Variants in ASH1L observed in about 807,000 individuals in gnomAD.
The protein encoded by ASH1L is ASH1 like histone lysine methyltransferase.
In ASH1L, 23 loss-of-function variants were observed where a neutral mutation model predicts 269.0. The observed-to-expected ratio is 0.09, with a 90% CI of 0.06 to 0.12. The LOEUF is 0.12. ASH1L is among the 10% of genes least tolerant of loss of function. ASH1L has a pLI of 1.00. For missense variants in ASH1L, 2,912 were observed against 3,567.8 expected (o/e 0.82, Z 4.68); for synonymous variants, 1,187 against 1,253.5 (o/e 0.95, Z 1.12).
Position 155,521,505 on chromosome 1 carries a change from AT to A in ASH1L, c.14del (p.Asn5IlefsTer5). 2 of 1,612,014 alleles carry A rather than the reference AT, an allele frequency of 1.2e-6. No homozygotes were observed. The highest frequency in any genetic ancestry group is 1.7e-6 in the Non-Finnish European group (2 of 1,179,040). On this transcript the variant is annotated frameshift_variant, in exon 2 of 28. Transcript: ENST00000392403. LOFTEE classifies it high-confidence loss of function. ...CAGAACCCAATCCTAACATAGCAGT[AT>A]TTCTAGGGTCCATCACAAGCGTATG... MDPR[N>X]TAMLGLGSDS... is the part of the protein sequence containing the mutation.
Position 155,480,026 on chromosome 1 carries a change from T to C in ASH1L, c.2844A>G (p.Leu948=). The C allele has an allele frequency of 6.2e-7, 1 of 1,614,134 alleles. No homozygotes were observed. The highest frequency in any genetic ancestry group is 2.2e-5 in the East Asian group (1 of 44,890). Residue 948 remains leucine, a synonymous_variant, in exon 3 of 28, where the codon CTA becomes CTG. Coordinates refer to ENST00000392403, the MANE Select transcript of ASH1L (RefSeq NM_018489.3). ...SEDQLQDPDD[L]DDSHRPSVCS... ...AGACACTTGGCCTATGACTGTCATC[T>C]AGGTCATCTGGATCCTGAAGTTGAT...
At chr1:155,508,936 C>A (rs936495162) in intron 2 of ASH1L, among the ~76,000 whole-genome samples, 3 of 152,244 alleles carry the variant, frequency 2.0e-5, no homozygotes, top group Admixed American at 2.0e-4. Context: ...GTGTCAGTAA[C>A]GTACCCTAAC....
chr1:155,477,262 GC>G (rs1665627426), intron 3 of ASH1L, among the ~76,000 whole-genome samples: 1 of 152,098 alleles, frequency 6.6e-6, no homozygotes, highest in Non-Finnish European at 1.5e-5. Flanking sequence ...ATGTACAAAT[GC>G]ATTTTCCAGA....
chr1:155,411,977 C>T (rs1441759342), intron 6 of ASH1L, among the ~76,000 whole-genome samples: 1 of 152,044 alleles, frequency 6.6e-6, no homozygotes, highest in Non-Finnish European at 1.5e-5. Flanking sequence ...CGCTGTGGCT[C>T]ACTCCTGTAA....
At chr1:155,399,564 A>C (rs1005732189) in intron 6 of ASH1L, among the ~76,000 whole-genome samples, 1 of 152,036 alleles carries the variant, frequency 6.6e-6, no homozygotes, top group African/African-American at 2.4e-5. Flanking sequence ...GCTTGAACAC[A>C]GGAGACAGAG....
rs1558099198 is a variant in ASH1L at position 155,433,597 on chromosome 1, C to T, written c.5828+4730G>A. On this transcript the variant is annotated intron_variant, in intron 5 of 27. Coordinates refer to ENST00000392403, the MANE Select transcript of ASH1L (RefSeq NM_018489.3). Reference sequence around the variant, plus strand: ...AAAACCCGCAGGAGTCCCAGAACATCAAAGCTCTGCAGAAAGAACTCGAAC... The same window carrying T: ...AAAACCCGCAGGAGTCCCAGAACATTAAAGCTCTGCAGAAAGAACTCGAAC... 2.5e-6 allele frequency: 4 copies of T among 1,610,122 alleles called. No individual in the cohort carries two copies. In the East Asian group the frequency reaches 8.9e-5, roughly 36 times the overall value.
At chr1:155,393,074 A>G (rs1658076864) in intron 7 of ASH1L, among the ~76,000 whole-genome samples, 1 of 152,212 alleles carries the variant, frequency 6.6e-6, no homozygotes, top group African/African-American at 2.4e-5. Flanking sequence ...TCACTAGTAA[A>G]TACAAAAGAC....
rs1291851159 is a variant in ASH1L at position 155,478,835 on chromosome 1, G to A, written c.4035C>T (p.Asp1345=). The A allele has an allele frequency of 1.2e-6, 2 of 1,614,024 alleles. No homozygotes were observed. ...LDPLHYIRKP[D]LKKKRGRPPK... is the part of the protein sequence containing the mutation. Reference sequence around the variant, plus strand: ...GGGGTCTCCCTCTTTTCTTTTTTAAGTCAGGTTTTCGAATGTAGTGCAAAG... The same window carrying A: ...GGGGTCTCCCTCTTTTCTTTTTTAAATCAGGTTTTCGAATGTAGTGCAAAG... Residue 1345 remains aspartate (D), a synonymous_variant, in exon 3 of 28, where the codon GAC becomes GAT. Coordinates refer to ENST00000392403, the MANE Select transcript of ASH1L (RefSeq NM_018489.3). The surrounding 1 kb of genome is among the most constrained non-coding windows in gnomAD (Gnocchi z 4.6).
intron 1 of ASH1L, among the ~76,000 whole-genome samples, chr1:155,548,979 AG>A (rs1176255534): frequency 6.6e-6 from 1 of 152,214 alleles, no homozygotes; most frequent in East Asian, 1.9e-4. Flanking sequence ...AAAATATTCC[AG>A]GGGCAGGGGT....
At chr1:155,563,022 C>G (rs1392195418), upstream of ASH1L, 1 of 458,588 alleles carries the variant, frequency 2.2e-6, no homozygotes. Context: ...TCGGGGCTTG[C>G]CGTTTGACTG....
Position 155,562,442 on chromosome 1 carries a change from C to T in ASH1L, c.-389G>A. 1 of 1,468,408 alleles carries T rather than the reference C, an allele frequency of 6.8e-7. No individual in the cohort carries two copies. The highest frequency in any genetic ancestry group is 9.2e-7 in the Non-Finnish European group (1 of 1,083,800). The allele number at this position is 1,468,408 out of a possible 1,614,324, so 91.0% of individuals were successfully genotyped here. On this transcript the variant is annotated 5_prime_UTR_variant, in exon 1 of 28. Transcript: ENST00000392403. ...GCGGCGGGAGCGGCGGCGGCGGCGG[C>T]GGCAGCAGCAGAGTGGCGGCGGTGG...
intron 5 of ASH1L, among the ~76,000 whole-genome samples, chr1:155,436,029 T>A (rs1662059514): frequency 6.6e-6 from 1 of 152,038 alleles, no homozygotes; most frequent in African/African-American, 2.4e-5. Flanking sequence ...CCAGGCTGGG[T>A]GACAGAGTGA....
chr1:155,494,851 A>G (rs959541899), intron 2 of ASH1L, among the ~76,000 whole-genome samples: 2 of 152,230 alleles, frequency 1.3e-5, no homozygotes, highest in African/African-American at 4.8e-5. Context: ...TAAACCGAAC[A>G]GTAAACTAAG....
chr1:155,345,000 A>T (rs1190045174), intron 21 of ASH1L, among the ~76,000 whole-genome samples: 6 of 151,904 alleles, frequency 3.9e-5, no homozygotes, highest in African/African-American at 1.5e-4. Flanking sequence ...CTCTGTTGGC[A>T]GGCTGGGGTG....
chr1:155,487,434 G>C (rs1320711162), intron 2 of ASH1L, among the ~76,000 whole-genome samples: 1 of 152,018 alleles, frequency 6.6e-6, no homozygotes, highest in African/African-American at 2.4e-5. Context: ...CTGGAGTGCA[G>C]TGACCTGATT....
At chr1:155,405,716 T>A (rs905170695) in intron 6 of ASH1L, among the ~76,000 whole-genome samples, 5 of 148,146 alleles carry the variant, frequency 3.4e-5, no homozygotes, top group Admixed American at 2.7e-4. Flanking sequence ...TGTAGCCCCA[T>A]CTGTTTGGGA....
At chr1:155,558,851 CTT>C (rs1227615811) in intron 1 of ASH1L, among the ~76,000 whole-genome samples, 28 of 136,072 alleles carry the variant, frequency 2.1e-4, no homozygotes, top group Middle Eastern at 4.1e-3. Flanking sequence ...TTTTTCTTTT[CTT>C]TTTTTTTTTT....
At chr1:155,338,897 T>C (rs535192888) in intron 26 of ASH1L, among the ~76,000 whole-genome samples, 1 of 152,292 alleles carries the variant, frequency 6.6e-6, no homozygotes, top group African/African-American at 2.4e-5. Context: ...AAGCCTTCTG[T>C]CATCTTTCTT....
chr1:155,465,573 G>T (rs1265131927), intron 3 of ASH1L, among the ~76,000 whole-genome samples: 1 of 152,168 alleles, frequency 6.6e-6, no homozygotes, highest in Admixed American at 6.5e-5. Flanking sequence ...TCAGTTCTAA[G>T]ATATTATCGA....
Sources: allele counts gnomAD v4.1 joint callset (sites outside exome capture counted in the v4.1 genomes callset), GRCh38; gene constraint gnomAD v4.1.1; non-coding constraint Gnocchi (gnomAD v3.1); transcripts MANE v1.5; gene names NCBI Gene and HGNC (gene_info 2026-07-23, HGNC 2026-07-21).